Variants in OGG1 observed in about 807,000 individuals in gnomAD.
OGG1 encodes 8-oxoguanine DNA glycosylase, also known as N-glycosylase/DNA lyase.
OGG1 carries 35 observed loss-of-function variants against 42.3 expected under a neutral mutation model. That is an observed-to-expected ratio of 0.83 (90% CI 0.63 to 1.10). The LOEUF is 1.10. Among genes scored for constraint, OGG1 ranks in the 50% least tolerant of loss-of-function variants. The pLI is 0.00. For synonymous variants in OGG1, 189 were observed against 179.0 expected (o/e 1.06, Z -0.44); for missense variants, 484 against 446.7 (o/e 1.08, Z -0.75).
intron 7 of OGG1, chr3:9,763,353 T>C: frequency 1.1e-6 from 1 of 911,142 alleles, no homozygotes; most frequent in East Asian, 2.6e-5. Flanking sequence ...TGATTGCACC[T>C]GTGACTAGCC....
In OGG1 at chr3:9,754,865, C is replaced by G; in HGVS notation, c.727C>G (p.Leu243Val). Reference sequence around the variant, plus strand: ...GGAGGCCCACAAGGCCCTCTGCATCCTGCCTGGAGTGGGCACCAAGGTGAG... The same window carrying G: ...GGAGGCCCACAAGGCCCTCTGCATCGTGCCTGGAGTGGGCACCAAGGTGAG... The part of the protein sequence containing the change: ...YEEAHKALCI[L>V]PGVGTKVADC... Residue 243 changes from leucine to valine, a missense_variant, in exon 4 of 7, where the codon CTG becomes GTG. Leu to Val is a conservative substitution (Grantham distance 32). Coordinates refer to ENST00000344629, the MANE Select transcript of OGG1 (RefSeq NM_002542.6). The G allele has an allele frequency of 6.2e-7, 1 of 1,601,526 alleles. No individual in the cohort carries two copies. Among genetic ancestry groups the G allele is most frequent in the Non-Finnish European group, 8.5e-7 (1 of 1,173,744 alleles).
chr3:9,774,289 G>T (rs1336048709), intron 2 of OGG1, among the ~76,000 whole-genome samples: 2 of 151,636 alleles, frequency 1.3e-5, no homozygotes, highest in African/African-American at 2.4e-5. Context: ...CATGCCTGTA[G>T]TCCCAGCTAC....
chr3:9,788,925 T>C (rs2078677842), downstream of OGG1, among the ~76,000 whole-genome samples: 1 of 150,980 alleles, frequency 6.6e-6, no homozygotes, highest in Non-Finnish European at 1.5e-5. Context: ...AACTTCCACC[T>C]CCCGGGTCCA....
chr3:9,752,552 A>AAAAAAT (rs1553700331), intron 3 of OGG1, among the ~76,000 whole-genome samples: 30 of 145,216 alleles, frequency 2.1e-4, no homozygotes, highest in Non-Finnish European at 4.1e-4. Flanking sequence ...AAAAAAAAAA[A>AAAAAAT]TTCAAGCTGG....
At chr3:9,769,602 C>T (rs1314072407), downstream of OGG1, among the ~76,000 whole-genome samples, 1 of 152,170 alleles carries the variant, frequency 6.6e-6, no homozygotes, top group Non-Finnish European at 1.5e-5. Flanking sequence ...CAGCTGAAGG[C>T]GCTCACACAG....
intron 1 of OGG1, chr3:9,750,635 A>G: frequency 2.7e-6 from 2 of 734,086 alleles, no homozygotes; most frequent in Non-Finnish European, 4.5e-6. Flanking sequence ...GCAGAAGATA[A>G]TAGCACTTGT....
chr3:9,784,213 A>G (rs2078549889), intron 3 of OGG1: 11 of 1,605,660 alleles, frequency 6.9e-6, no homozygotes, highest in Non-Finnish European at 9.4e-6. Flanking sequence ...TATGCGGCAC[A>G]CTGCAGCGGG....
At chr3:9,785,443 T>C (rs373729463) in intron 3 of OGG1, 217 of 1,567,430 alleles carry the variant, frequency 1.4e-4, no homozygotes, top group Non-Finnish European at 1.8e-4. Context: ...ACCACAAAAA[T>C]GAGTGGAAGG....
downstream of OGG1, chr3:9,758,693 G>A (rs1347728148): frequency 8.7e-5 from 15 of 171,458 alleles, no homozygotes; most frequent in East Asian, 5.1e-4. Flanking sequence ...GCAGTGGCGC[G>A]ATCTCAGCTC....
intron 2 of OGG1, among the ~76,000 whole-genome samples, chr3:9,778,700 T>C (rs2078396754): frequency 1.3e-5 from 2 of 152,154 alleles, no homozygotes; most frequent in Admixed American, 1.3e-4. Flanking sequence ...AGAGCAATCT[T>C]ATGGAGGGCC....
downstream of OGG1, chr3:9,767,686 AGTCGTAGATGTCTCTAAT>A (rs761042904): frequency 6.8e-6 from 11 of 1,614,144 alleles, no homozygotes; most frequent in Non-Finnish European, 8.5e-6. Flanking sequence ...ACATCTCGGA[AGTCGTAGATGTCTCTAAT>A]GTCCTCCGCC....
At chr3:9,777,146 G>C (rs545530148) in intron 2 of OGG1, among the ~76,000 whole-genome samples, 119 of 152,180 alleles carry the variant, frequency 7.8e-4, no homozygotes, top group Middle Eastern at 3.2e-3. Flanking sequence ...CACTCACCCT[G>C]GTGTTGCTGA....
At chr3:9,785,126 T>G (rs2125621417) in intron 3 of OGG1, among the ~76,000 whole-genome samples, 1 of 152,362 alleles carries the variant, frequency 6.6e-6, no homozygotes, top group Admixed American at 6.5e-5. Flanking sequence ...TGAACAGTTC[T>G]GTGCTGAACA....
At chr3:9,782,320 A>AG (rs2078494929) in intron 3 of OGG1, among the ~76,000 whole-genome samples, 2 of 152,156 alleles carry the variant, frequency 1.3e-5, no homozygotes, top group Non-Finnish European at 2.9e-5. Flanking sequence ...CTGTTTATTG[A>AG]CTGTGTGACC....
At chr3:9,789,307 G>A (rs1366304969), downstream of OGG1, among the ~76,000 whole-genome samples, 2 of 152,196 alleles carry the variant, frequency 1.3e-5, no homozygotes. Flanking sequence ...AGGGCGTGTT[G>A]ACATTTGGCT....
In OGG1 at chr3:9,757,244, G is replaced by C; in HGVS notation, c.*94G>C. ...CCCCACCCAGTCTCATGTTGGGGAG[G>C]GGCCTCCCTGTGACTACCTCAAAGG... On this transcript the variant is annotated 3_prime_UTR_variant, in exon 7 of 7. Coordinates refer to ENST00000344629, the MANE Select transcript of OGG1 (RefSeq NM_002542.6). This position sits in a 1 kb window ranked among gnomAD's most constrained non-coding sequence, Gnocchi z 4.5. 1 of 1,613,922 alleles carries C rather than the reference G, an allele frequency of 6.2e-7. No individual in the cohort carries two copies. Among genetic ancestry groups the C allele is most frequent in the East Asian group, 2.2e-5 (1 of 44,872 alleles).
At chr3:9,767,889 C>G, downstream of OGG1, 1 of 1,372,906 alleles carries the variant, frequency 7.3e-7, no homozygotes, top group Non-Finnish European at 9.6e-7. Flanking sequence ...ATCCTTGATT[C>G]ATCCATTTGA....
At chr3:9,760,616 AG>A, downstream of OGG1, 2 of 1,609,016 alleles carry the variant, frequency 1.2e-6, no homozygotes, top group Non-Finnish European at 1.7e-6. Context: ...GGGAGGAACC[AG>A]AGGCAGGGCC....
intron 2 of OGG1, among the ~76,000 whole-genome samples, chr3:9,775,935 T>C (rs1054606393): frequency 3.9e-5 from 6 of 152,102 alleles, no homozygotes; most frequent in Non-Finnish European, 7.4e-5. Flanking sequence ...CCACGGCGCC[T>C]GACTATACAC....
Sources: allele counts gnomAD v4.1 joint callset (sites outside exome capture counted in the v4.1 genomes callset), GRCh38; gene constraint gnomAD v4.1.1; non-coding constraint Gnocchi (gnomAD v3.1); transcripts MANE v1.5; gene names NCBI Gene and HGNC (gene_info 2026-07-23, HGNC 2026-07-21).